PIK3C3: variants seen among roughly 807,000 people sequenced by gnomAD.
PIK3C3 encodes PI3-kinase type 3.
In PIK3C3, 95 loss-of-function variants were observed where a neutral mutation model predicts 126.1. The ratio of observed to expected loss-of-function variants is 0.75; its 90% CI spans 0.64 to 0.89. PIK3C3 has a LOEUF of 0.89. Among genes scored for constraint, PIK3C3 ranks in the 40% least tolerant of loss-of-function variants. PIK3C3 has a pLI of 0.00. For synonymous variants in PIK3C3, 374 were observed against 360.0 expected, an observed-to-expected ratio of 1.04 and a Z score of -0.44; for missense variants, 829 against 1,063.2, an observed-to-expected ratio of 0.78 and a Z score of 3.06.
rs374050408 is a variant in PIK3C3 at position 42,033,962 on chromosome 18, T to C, written c.1839+5T>C. The C allele has an allele frequency of 2.0e-5, 31 of 1,579,530 alleles. No individual in the cohort carries two copies. The highest frequency in any genetic ancestry group is 2.7e-5 in the Non-Finnish European group (31 of 1,164,574). ...GAAACAGCTACACTGTTTAAAGTAA[T>C]TGTGATGGATATTTAATGTGTATGA... is the stretch of plus-strand genomic sequence containing the variant. On this transcript the variant is annotated splice_donor_5th_base_variant and intron_variant, in intron 16 of 24. Coordinates refer to ENST00000262039, the MANE Select transcript of PIK3C3 (RefSeq NM_002647.4).
intron 10 of PIK3C3, among the ~76,000 whole-genome samples, chr18:42,008,939 C>CT (rs1299784476): frequency 1.3e-5 from 2 of 151,926 alleles, no homozygotes; most frequent in Admixed American, 6.6e-5. Flanking sequence ...ATACCGCAGC[C>CT]TTTTTTATGT....
At chr18:42,035,062 A>C (rs559893006) in intron 16 of PIK3C3, among the ~76,000 whole-genome samples, 1 of 152,160 alleles carries the variant, frequency 6.6e-6, no homozygotes, top group Non-Finnish European at 1.5e-5. Flanking sequence ...CTTACAACCT[A>C]TTGGTTTTAA....
chr18:42,038,091 C>G (rs1216783297), intron 17 of PIK3C3, among the ~76,000 whole-genome samples: 1 of 151,922 alleles, frequency 6.6e-6, no homozygotes, highest in African/African-American at 2.4e-5. Context: ...AGTTTCCTTC[C>G]TCTTAGTCTA....
At chr18:42,012,481 A>G (rs1982874199) in intron 10 of PIK3C3, among the ~76,000 whole-genome samples, 1 of 152,200 alleles carries the variant, frequency 6.6e-6, no homozygotes, top group South Asian at 2.1e-4. Context: ...AGTGTCTAAC[A>G]GGGTGAATGA....
intron 10 of PIK3C3, among the ~76,000 whole-genome samples, chr18:42,009,935 G>A (rs1050490674): frequency 5.3e-5 from 8 of 152,172 alleles, no homozygotes; most frequent in Admixed American, 3.3e-4. Context: ...GATGGTTGCA[G>A]AAGGTTGGGT....
At chr18:42,015,102 C>T (rs1033260709) in intron 11 of PIK3C3, among the ~76,000 whole-genome samples, 1 of 151,938 alleles carries the variant, frequency 6.6e-6, no homozygotes, top group Non-Finnish European at 1.5e-5. Flanking sequence ...TTTTTTTAAG[C>T]TCTGTTATGT....
intron 24 of PIK3C3, among the ~76,000 whole-genome samples, chr18:42,069,697 A>G (rs1310762605): frequency 2.0e-5 from 3 of 152,158 alleles, no homozygotes; most frequent in Non-Finnish European, 4.4e-5. Flanking sequence ...ATCTCTATCT[A>G]CAAGTGTAGA....
chr18:41,970,114 C>T (rs1281141767), intron 3 of PIK3C3, among the ~76,000 whole-genome samples: 1 of 151,974 alleles, frequency 6.6e-6, no homozygotes, highest in Admixed American at 6.6e-5. Context: ...TAGTTCTGAG[C>T]GCTTGGAGGA....
rs1335010540 is a variant in PIK3C3, at chr18:41,972,135, T to G, written c.531+1679T>G. ...ATAGTATATCTTTTTCATTTTAATC[T>G]TTTGAATTTTATACTAGAAAAAAGA... On this transcript the variant is annotated intron_variant, in intron 4 of 24. Coordinates refer to ENST00000262039, the MANE Select transcript of PIK3C3 (RefSeq NM_002647.4). Among the ~76,000 whole-genome samples, 7 of 152,132 alleles carry G rather than the reference T, an allele frequency of 4.6e-5. No homozygotes were observed. In the South Asian group the frequency reaches 1.2e-3, roughly 27 times the overall value.
chr18:42,017,464 G>A (rs1219282383), intron 12 of PIK3C3, among the ~76,000 whole-genome samples: 2 of 152,006 alleles, frequency 1.3e-5, no homozygotes, highest in Non-Finnish European at 2.9e-5. Context: ...AGTTACTAGA[G>A]CAAGCTTATT....
At chr18:41,959,377 A>G (rs1979960959) in intron 2 of PIK3C3, among the ~76,000 whole-genome samples, 3 of 152,110 alleles carry the variant, frequency 2.0e-5, no homozygotes, top group African/African-American at 7.2e-5. Context: ...AAAAACTTCC[A>G]TGTTTGATCT....
At chr18:41,993,570 GT>G (rs1255733228) in intron 7 of PIK3C3, among the ~76,000 whole-genome samples, 1 of 151,684 alleles carries the variant, frequency 6.6e-6, no homozygotes, top group Non-Finnish European at 1.5e-5. Flanking sequence ...CATCCACTTT[GT>G]TTGAATTGCT....
chr18:42,021,367 G>A (rs562071124), intron 13 of PIK3C3, among the ~76,000 whole-genome samples: 8 of 152,158 alleles, frequency 5.3e-5, no homozygotes, highest in Non-Finnish European at 7.3e-5. Flanking sequence ...GAAGCGTGGT[G>A]CCCTTTATTT....
At chr18:42,061,969 G>A (rs1369719167) in intron 22 of PIK3C3, among the ~76,000 whole-genome samples, 2 of 152,114 alleles carry the variant, frequency 1.3e-5, no homozygotes, top group African/African-American at 4.8e-5. Context: ...GAGCTTGTAG[G>A]TGAGGTGGCA....
At position 42,049,557 on chromosome 18, in the gene PIK3C3, C is replaced by G. The variant is rs1984702600; in HGVS notation, c.2215C>G (p.Leu739Val). 1 of 1,613,640 alleles carries G rather than the reference C, an allele frequency of 6.2e-7. No homozygotes were observed. Among genetic ancestry groups the G allele is most frequent in the Admixed American group, 1.7e-5 (1 of 59,992 alleles). Residue 739 changes from leucine (L) to valine (V), a missense_variant, in exon 21 of 25, where the codon CTT (leucine) becomes GTT (valine). This residue lies in a region of PIK3C3 where 196 missense variants were observed against 312.8 expected (regional missense o/e 0.63). Coordinates refer to ENST00000262039, the MANE Select transcript of PIK3C3 (RefSeq NM_002647.4). ...CAGYCVITYI[L>V]GVGDRHLDNL... ...TGGATATTGCGTGATCACCTATATA[C>G]TTGGAGTTGGAGACAGGCACCTGGA...
chr18:41,970,464 AAG>A lies in PIK3C3; in HGVS notation c.531+9_531+10del, dbSNP rs773499387. On this transcript the variant is annotated intron_variant, in intron 4 of 24. Transcript: ENST00000262039. Reference sequence around the variant, plus strand: ...ATGAGCCGTCTTGCCAAGGTAAAAAAAGTCATTTGGAACAGGTGCAAAGCTCT... The same window carrying A: ...ATGAGCCGTCTTGCCAAGGTAAAAAATCATTTGGAACAGGTGCAAAGCTCT... The A allele has an allele frequency of 2.5e-6, 4 of 1,613,420 alleles. No individual in the cohort carries two copies. In the South Asian group the frequency reaches 4.4e-5, roughly 18 times the overall value.
chr18:42,079,998 AGT>A (rs71174081), intron 24 of PIK3C3, among the ~76,000 whole-genome samples: 17,185 of 137,068 alleles, frequency 0.13, 1,740 homozygotes, highest in African/African-American at 0.27. Context: ...TAAGAGAGAG[AGT>A]GTGTGTGTGT....
chr18:42,073,787 G>A (rs1439280032), intron 24 of PIK3C3, among the ~76,000 whole-genome samples: 2 of 151,336 alleles, frequency 1.3e-5, no homozygotes, highest in East Asian at 1.9e-4. Flanking sequence ...CCTAAACCCA[G>A]TGTAGAGTGA....
At chr18:42,032,090 A>G (rs1465863456) in intron 15 of PIK3C3, among the ~76,000 whole-genome samples, 1 of 152,242 alleles carries the variant, frequency 6.6e-6, no homozygotes, top group Non-Finnish European at 1.5e-5. Flanking sequence ...GTGGCCAGGT[A>G]AGGCCTCACT....
Sources: allele counts gnomAD v4.1 joint callset (sites outside exome capture counted in the v4.1 genomes callset), GRCh38; gene constraint gnomAD v4.1.1; regional missense constraint gnomAD v4.1.1; transcripts MANE v1.5; gene names NCBI Gene and HGNC (gene_info 2026-07-23, HGNC 2026-07-21).